LCMT1: variants seen among roughly 807,000 people sequenced by gnomAD.
The protein encoded by LCMT1 is leucine carboxyl methyltransferase 1.
A neutral mutation model predicts 47.7 loss-of-function variants in LCMT1; 32 were observed. That is an observed-to-expected ratio of 0.67 (90% CI 0.51 to 0.90). The LOEUF is 0.90. Ranked by LOEUF, LCMT1 falls within the 40% of genes least tolerant of loss-of-function variation. The pLI is 0.00. For missense variants in LCMT1, 375 were observed against 415.2 expected, an observed-to-expected ratio of 0.90 and a Z score of 0.84; for synonymous variants, 152 against 149.7, an observed-to-expected ratio of 1.02 and a Z score of -0.11.
At chr16:25,174,036 C>A (rs977770779) in intron 9 of LCMT1, among the ~76,000 whole-genome samples, 63 of 152,164 alleles carry the variant, frequency 4.1e-4, no homozygotes, top group Non-Finnish European at 8.8e-5. Flanking sequence ...CTCAGCCTCC[C>A]AAATAGCTGT....
intron 2 of LCMT1, among the ~76,000 whole-genome samples, chr16:25,131,466 A>G (rs781649401): frequency 1.2e-4 from 18 of 152,266 alleles, no homozygotes; most frequent in Non-Finnish European, 2.4e-4. Flanking sequence ...TACAATAGAA[A>G]TGATCTAGAA....
intron 4 of LCMT1, among the ~76,000 whole-genome samples, chr16:25,149,662 C>G (rs769934271): frequency 3.3e-5 from 5 of 152,012 alleles, no homozygotes; most frequent in Non-Finnish European, 5.9e-5. Context: ...GCCTGTAATC[C>G]CAGCACTTTG....
intron 7 of LCMT1, among the ~76,000 whole-genome samples, chr16:25,168,652 A>G (rs1214887150): frequency 6.6e-6 from 1 of 152,256 alleles, no homozygotes; most frequent in East Asian, 1.9e-4. Flanking sequence ...CATACTATCC[A>G]TATTCCTCTG....
intron 1 of LCMT1, among the ~76,000 whole-genome samples, chr16:25,118,199 G>A (rs568558526): frequency 4.1e-4 from 63 of 152,102 alleles, no homozygotes; most frequent in Non-Finnish European, 6.0e-4. Context: ...TCTTACGTGG[G>A]CTATAGGGCC....
chr16:25,172,545 G>A (rs1486813286), intron 9 of LCMT1, among the ~76,000 whole-genome samples: 1 of 152,190 alleles, frequency 6.6e-6, no homozygotes, highest in Non-Finnish European at 1.5e-5. Flanking sequence ...ATCACTCTGT[G>A]CTTCCTGATT....
intron 2 of LCMT1, among the ~76,000 whole-genome samples, chr16:25,130,793 C>T (rs1002425946): frequency 6.6e-6 from 1 of 152,168 alleles, no homozygotes; most frequent in African/African-American, 2.4e-5. Context: ...AGATGCCTGC[C>T]CCTTAGAAAC....
intron 7 of LCMT1, among the ~76,000 whole-genome samples, chr16:25,168,246 A>G (rs277890): frequency 0.23 from 34,648 of 148,980 alleles, 4,066 homozygotes; most frequent in East Asian, 0.35. Flanking sequence ...ATGGAGTTTC[A>G]CCATGTTGGC....
chr16:25,119,340 T>C (rs1959896597), intron 1 of LCMT1, among the ~76,000 whole-genome samples: 1 of 152,030 alleles, frequency 6.6e-6, no homozygotes, highest in Admixed American at 6.6e-5. Context: ...ATCGGCCCAG[T>C]TGTAATTTAG....
intron 1 of LCMT1, among the ~76,000 whole-genome samples, chr16:25,118,430 C>T (rs966973402): frequency 6.6e-6 from 1 of 152,112 alleles, no homozygotes; most frequent in Non-Finnish European, 1.5e-5. Context: ...CTTTGTTGAG[C>T]GCCTGCTTCG....
At chr16:25,171,937 C>A (rs1377056662) in intron 9 of LCMT1, among the ~76,000 whole-genome samples, 1 of 151,988 alleles carries the variant, frequency 6.6e-6, no homozygotes, top group Non-Finnish European at 1.5e-5. Flanking sequence ...GTCTGTAAAC[C>A]ACCATCCTTT....
intron 5 of LCMT1, among the ~76,000 whole-genome samples, chr16:25,156,931 C>A (rs1961275204): frequency 6.7e-6 from 1 of 148,942 alleles, no homozygotes; most frequent in Admixed American, 6.9e-5. Context: ...GAGGCTGTCT[C>A]CATTTTACCT....
chr16:25,176,013 A>G (rs1485369879), intron 10 of LCMT1, among the ~76,000 whole-genome samples: 3 of 152,064 alleles, frequency 2.0e-5, no homozygotes, highest in African/African-American at 7.2e-5. Context: ...TCCACTTACA[A>G]CCAGGTTCAC....
At chr16:25,156,969 G>A (rs1043900651) in intron 5 of LCMT1, among the ~76,000 whole-genome samples, 7 of 147,218 alleles carry the variant, frequency 4.8e-5, no homozygotes, top group Admixed American at 3.4e-4. Flanking sequence ...TTAATTGAAG[G>A]ATCCTAGGAA....
intron 1 of LCMT1, chr16:25,125,844 A>G (rs989519847): frequency 9.9e-6 from 1 of 101,130 alleles, no homozygotes; most frequent in Non-Finnish European, 1.8e-5. Flanking sequence ...AATAGTAATA[A>G]TAATAATAAT....
chr16:25,146,798 G>C (rs376345512), intron 4 of LCMT1: 3 of 152,224 alleles, frequency 2.0e-5, no homozygotes, highest in Admixed American at 6.5e-5. Context: ...TCAGGGACTC[G>C]ATTGAGGAAG....
At chr16:25,160,259 A>C (rs1961385256) in intron 5 of LCMT1, among the ~76,000 whole-genome samples, 1 of 151,982 alleles carries the variant, frequency 6.6e-6, no homozygotes, top group African/African-American at 2.4e-5. Flanking sequence ...TAGAAATGTA[A>C]ATTTCTGCTA....
chr16:25,127,129 G>A (rs1189904813), intron 1 of LCMT1, among the ~76,000 whole-genome samples: 1 of 152,170 alleles, frequency 6.6e-6, no homozygotes, highest in Admixed American at 6.5e-5. Flanking sequence ...CTTGGGAAGC[G>A]GAGGTTGGAG....
chr16:25,136,228 G>A (rs1960500470), intron 3 of LCMT1, among the ~76,000 whole-genome samples: 1 of 151,612 alleles, frequency 6.6e-6, no homozygotes, highest in African/African-American at 2.4e-5. Flanking sequence ...CCATCTCCCT[G>A]TGGAGGGAAG....
intron 3 of LCMT1, among the ~76,000 whole-genome samples, chr16:25,139,108 C>T (rs62034869): frequency 6.6e-6 from 1 of 152,048 alleles, no homozygotes; most frequent in African/African-American, 2.4e-5. Context: ...AGGTTTCATT[C>T]ACCATGTTGG....
Sources: allele counts gnomAD v4.1 joint callset (sites outside exome capture counted in the v4.1 genomes callset), GRCh38; gene constraint gnomAD v4.1.1; transcripts MANE v1.5; gene names NCBI Gene and HGNC (gene_info 2026-07-23, HGNC 2026-07-21).